ATF6: variants seen among roughly 807,000 people sequenced by gnomAD.
ATF6 encodes activating transcription factor 6, also known as cyclic AMP-dependent transcription factor ATF-6 alpha.
Under a neutral mutation model 83.6 loss-of-function variants are expected in ATF6, and 53 were observed. The observed-to-expected ratio is 0.63, with a 90% CI of 0.51 to 0.80. ATF6 has a LOEUF of 0.80. Ranked by LOEUF, ATF6 falls within the 30% of genes least tolerant of loss-of-function variation. ATF6 has a pLI of 0.00. For missense variants in ATF6, 744 were observed against 797.9 expected (o/e 0.93, Z 0.81); for synonymous variants, 288 against 285.8 (o/e 1.01, Z -0.08).
intron 7 of ATF6, among the ~76,000 whole-genome samples, chr1:161,809,357 T>C (rs1245676572): frequency 6.6e-6 from 1 of 152,220 alleles, no homozygotes; most frequent in Non-Finnish European, 1.5e-5. Context: ...TCCATGTCCC[T>C]ACAAAGGACA....
chr1:161,848,798 A>G (rs1571186672), intron 10 of ATF6, among the ~76,000 whole-genome samples: 1 of 152,244 alleles, frequency 6.6e-6, no homozygotes, highest in Admixed American at 6.5e-5. Context: ...TTGGCATAAA[A>G]TGTTTGCAAG....
In ATF6 at chr1:161,846,510, C is replaced by A. The variant is rs995465167; in HGVS notation, c.1249C>A (p.His417Asn). The change falls in exon 10 of 16, where the codon CAC becomes AAC. Residue 417 changes from histidine (H) to asparagine (N), a missense_variant. Physicochemically the swap from His to Asn is moderately conservative, Grantham distance 68. Transcript: ENST00000367942. ...PSVSPANQRR[H>N]LLGFSAKEAQ... Reference sequence around the variant, plus strand: ...TGTGAGCCCTGCAAATCAAAGGAGGCACCTTCTAGGATTTTCTGCTAAAGA... The same window carrying A: ...TGTGAGCCCTGCAAATCAAAGGAGGAACCTTCTAGGATTTTCTGCTAAAGA... The A allele has an allele frequency of 6.2e-7, 1 of 1,611,576 alleles. No individual in the cohort carries two copies. Among genetic ancestry groups the A allele is most frequent in the Non-Finnish European group, 8.5e-7 (1 of 1,178,536 alleles).
intron 14 of ATF6, among the ~76,000 whole-genome samples, chr1:161,901,971 G>A (rs917454201): frequency 2.1e-4 from 32 of 152,200 alleles, no homozygotes; most frequent in African/African-American, 7.2e-4. Flanking sequence ...ATTATACAAT[G>A]TCAAAAAATC....
chr1:161,866,317 C>G (rs1026407382), intron 14 of ATF6, among the ~76,000 whole-genome samples: 1 of 152,202 alleles, frequency 6.6e-6, no homozygotes, highest in African/African-American at 2.4e-5. Flanking sequence ...CAAACTTACA[C>G]TCCCTCACAC....
At chr1:161,883,802 T>G (rs536847990) in intron 14 of ATF6, among the ~76,000 whole-genome samples, 133 of 152,136 alleles carry the variant, frequency 8.7e-4, no homozygotes, top group African/African-American at 3.1e-3. Flanking sequence ...CATTTTCAGA[T>G]GAAGCCTGTC....
chr1:161,913,549 A>G (rs1400342751), intron 15 of ATF6, among the ~76,000 whole-genome samples: 1 of 152,214 alleles, frequency 6.6e-6, no homozygotes, highest in Non-Finnish European at 1.5e-5. Context: ...TTAAAGCATA[A>G]AAATTACAAT....
chr1:161,894,366 A>G (rs1330936014), intron 14 of ATF6, among the ~76,000 whole-genome samples: 7 of 151,574 alleles, frequency 4.6e-5, no homozygotes, highest in Non-Finnish European at 1.0e-4. Context: ...AATTTTTATG[A>G]TTGAGTGAAA....
intron 4 of ATF6, among the ~76,000 whole-genome samples, chr1:161,784,740 C>A (rs2101731893): frequency 6.6e-6 from 1 of 152,228 alleles, no homozygotes; most frequent in South Asian, 2.1e-4. Context: ...TTCCTGCAGG[C>A]TCTACATTTA....
intron 15 of ATF6, among the ~76,000 whole-genome samples, chr1:161,938,475 G>A (rs1688580967): frequency 6.6e-6 from 1 of 152,154 alleles, no homozygotes; most frequent in Non-Finnish European, 1.5e-5. Flanking sequence ...ACATAAGAGT[G>A]TAAAGATTTC....
chr1:161,901,109 T>A (rs1687778747), intron 14 of ATF6, among the ~76,000 whole-genome samples: 1 of 152,164 alleles, frequency 6.6e-6, no homozygotes, highest in Non-Finnish European at 1.5e-5. Context: ...GTCATACATA[T>A]GAAATATTTG....
intron 1 of ATF6, among the ~76,000 whole-genome samples, chr1:161,769,343 A>G (rs1684335307): frequency 6.6e-6 from 1 of 152,214 alleles, no homozygotes; most frequent in South Asian, 2.1e-4. Flanking sequence ...AGCTTCTCCT[A>G]TTGGTAACAT....
intron 9 of ATF6, among the ~76,000 whole-genome samples, chr1:161,831,438 T>G (rs557322553): frequency 6.6e-6 from 1 of 152,294 alleles, no homozygotes; most frequent in African/African-American, 2.4e-5. Context: ...AGCCATCCCA[T>G]TACTGGGTAT....
In ATF6 at chr1:161,897,252, G is replaced by C. The variant is rs925557074; in HGVS notation, c.1720-15044G>C. Among the ~76,000 whole-genome samples the C allele has an allele frequency of 4.0e-5, 6 of 151,876 alleles. No individual in the cohort carries two copies. In the South Asian group the frequency reaches 1.2e-3, roughly 32 times the overall value. On this transcript the variant is annotated intron_variant, in intron 14 of 15. Transcript: ENST00000367942. Reference sequence around the variant, plus strand: ...AGTTTGAGACCAGCCTGGGCAACACGATGAAACTCCATCTCTACTAAAATA... The same window carrying C: ...AGTTTGAGACCAGCCTGGGCAACACCATGAAACTCCATCTCTACTAAAATA...
At chr1:161,820,334 T>C (rs1043775682) in intron 8 of ATF6, among the ~76,000 whole-genome samples, 1 of 152,164 alleles carries the variant, frequency 6.6e-6, no homozygotes, top group Non-Finnish European at 1.5e-5. Context: ...TTACACTCTT[T>C]TTCTCTTGGC....
intron 12 of ATF6, among the ~76,000 whole-genome samples, chr1:161,857,109 C>T (rs1465405949): frequency 6.6e-6 from 1 of 152,016 alleles, no homozygotes; most frequent in African/African-American, 2.4e-5. Flanking sequence ...TTGTCAATGC[C>T]AAAGCATATC....
At chr1:161,899,553 T>C (rs934712191) in intron 14 of ATF6, among the ~76,000 whole-genome samples, 33 of 152,358 alleles carry the variant, frequency 2.2e-4, no homozygotes, top group African/African-American at 7.5e-4. Context: ...TTAGATCATT[T>C]GATAAATGAT....
chr1:161,877,293 G>C (rs749918050), intron 14 of ATF6, among the ~76,000 whole-genome samples: 24 of 152,126 alleles, frequency 1.6e-4, no homozygotes, highest in Non-Finnish European at 3.1e-4. Context: ...GTGCTAACCA[G>C]ATAAATTAGC....
intron 1 of ATF6, among the ~76,000 whole-genome samples, chr1:161,770,133 G>A (rs537437285): frequency 6.6e-6 from 1 of 152,104 alleles, no homozygotes; most frequent in South Asian, 2.1e-4. Flanking sequence ...TGTCTCCATG[G>A]TTTTGCCTTT....
chr1:161,809,151 C>T (rs895996608), intron 7 of ATF6, among the ~76,000 whole-genome samples: 7 of 152,166 alleles, frequency 4.6e-5, no homozygotes, highest in Non-Finnish European at 7.3e-5. Flanking sequence ...CCCATTAACT[C>T]GTGATTTACA....
Sources: allele counts gnomAD v4.1 joint callset (sites outside exome capture counted in the v4.1 genomes callset), GRCh38; gene constraint gnomAD v4.1.1; transcripts MANE v1.5; gene names NCBI Gene and HGNC (gene_info 2026-07-23, HGNC 2026-07-21).